FNDC3B: variants seen among roughly 807,000 people sequenced by gnomAD.
FNDC3B encodes the protein fibronectin type III domain containing 3B.
Under a neutral mutation model 151.5 loss-of-function variants are expected in FNDC3B, and 12 were observed. The ratio of observed to expected loss-of-function variants is 0.08; its 90% CI spans 0.05 to 0.13. The LOEUF (loss-of-function observed/expected upper bound fraction) is 0.13, where lower values mean the gene tolerates loss of function less well. Among genes scored for constraint, FNDC3B ranks in the 10% least tolerant of loss-of-function variants. The pLI is 1.00. For synonymous variants in FNDC3B, 528 were observed against 549.0 expected (o/e 0.96, Z 0.54); for missense variants, 1,214 against 1,505.3 (o/e 0.81, Z 3.20).
intron 1 of FNDC3B, among the ~76,000 whole-genome samples, chr3:172,043,284 G>C (rs1716185144): frequency 6.6e-6 from 1 of 152,156 alleles, no homozygotes; most frequent in East Asian, 1.9e-4. Flanking sequence ...TACCATATTG[G>C]AGAGCAAAGT....
chr3:172,103,027 A>C (rs1331585887), intron 1 of FNDC3B, among the ~76,000 whole-genome samples: 12 of 152,090 alleles, frequency 7.9e-5, no homozygotes, highest in Non-Finnish European at 1.6e-4. Flanking sequence ...CATCCTTGGG[A>C]TGTCAGGGTG....
At chr3:172,176,446 A>G (rs923034038) in intron 3 of FNDC3B, among the ~76,000 whole-genome samples, 1 of 152,226 alleles carries the variant, frequency 6.6e-6, no homozygotes, top group Non-Finnish European at 1.5e-5. Flanking sequence ...TTGGATTCAT[A>G]AAGTATTTTT....
chr3:172,130,603 C>T (rs1356627046), intron 2 of FNDC3B, among the ~76,000 whole-genome samples: 1 of 152,134 alleles, frequency 6.6e-6, no homozygotes, highest in Non-Finnish European at 1.5e-5. Context: ...GTGTCAGTGA[C>T]CACTGAGGAA....
chr3:172,371,445 C>T (rs595370), intron 23 of FNDC3B, among the ~76,000 whole-genome samples: 64,090 of 152,016 alleles, frequency 0.42, 15,889 homozygotes, highest in Non-Finnish European at 0.57. Flanking sequence ...TGGTAAATCA[C>T]CAACATTAAA....
intron 3 of FNDC3B, among the ~76,000 whole-genome samples, chr3:172,147,773 G>A (rs1310169765): frequency 1.3e-5 from 2 of 152,090 alleles, no homozygotes; most frequent in Admixed American, 6.5e-5. Flanking sequence ...TGGAGGTGGA[G>A]ATCGTCGGGG....
intron 1 of FNDC3B, among the ~76,000 whole-genome samples, chr3:172,101,811 C>G (rs1719392103): frequency 1.3e-5 from 2 of 152,148 alleles, no homozygotes; most frequent in African/African-American, 4.8e-5. Context: ...TTTTTCCCCC[C>G]TCTAATTTTA....
At chr3:172,339,881 G>T (rs1576926980) in intron 16 of FNDC3B, among the ~76,000 whole-genome samples, 1 of 152,154 alleles carries the variant, frequency 6.6e-6, no homozygotes, top group African/African-American at 2.4e-5. Flanking sequence ...CTTTGCTATT[G>T]CCTTTCTTCA....
intron 6 of FNDC3B, among the ~76,000 whole-genome samples, chr3:172,283,546 A>G (rs1013447925): frequency 6.6e-6 from 1 of 152,188 alleles, no homozygotes; most frequent in African/African-American, 2.4e-5. Context: ...CCTTTCTAAG[A>G]TAATCTAAAT....
At chr3:172,379,712 T>C (rs1041618051) in intron 24 of FNDC3B, among the ~76,000 whole-genome samples, 2 of 152,220 alleles carry the variant, frequency 1.3e-5, no homozygotes, top group Non-Finnish European at 2.9e-5. Context: ...CTGTGGCTGC[T>C]TTGGTTTATT....
At chr3:172,211,240 A>G (rs530556102) in intron 3 of FNDC3B, among the ~76,000 whole-genome samples, 3 of 152,264 alleles carry the variant, frequency 2.0e-5, no homozygotes, top group Non-Finnish European at 4.4e-5. Context: ...TCAATAACCT[A>G]GTGTAATTCA....
intron 1 of FNDC3B, among the ~76,000 whole-genome samples, chr3:172,062,251 T>G (rs534482192): frequency 1.3e-5 from 2 of 152,162 alleles, no homozygotes; most frequent in East Asian, 3.9e-4. Flanking sequence ...TTTGCCTCCT[T>G]TCTTCCTGCC....
chr3:172,313,779 T>C (rs150198708), intron 11 of FNDC3B, among the ~76,000 whole-genome samples: 41 of 152,358 alleles, frequency 2.7e-4, no homozygotes, highest in African/African-American at 9.9e-4. Context: ...AAAATGGTGC[T>C]ATCGGGTTTC....
chr3:172,235,678 G>A (rs1727119759), intron 4 of FNDC3B, among the ~76,000 whole-genome samples: 1 of 152,228 alleles, frequency 6.6e-6, no homozygotes, highest in African/African-American at 2.4e-5. Flanking sequence ...TTCAGACTTT[G>A]CCTTCATTTC....
intron 11 of FNDC3B, among the ~76,000 whole-genome samples, chr3:172,312,687 T>G (rs1269353450): frequency 1.3e-5 from 2 of 152,164 alleles, no homozygotes; most frequent in African/African-American, 4.8e-5. Flanking sequence ...AATCCTGTGT[T>G]TTTTTACTGC....
chr3:172,304,648 GC>G (rs1205184813), intron 9 of FNDC3B, among the ~76,000 whole-genome samples: 2 of 152,200 alleles, frequency 1.3e-5, no homozygotes, highest in Non-Finnish European at 2.9e-5. Context: ...TGTAATCCCA[GC>G]ACTTTGGGAG....
chr3:172,114,398 C>T (rs770583400), intron 2 of FNDC3B, among the ~76,000 whole-genome samples: 12 of 152,198 alleles, frequency 7.9e-5, no homozygotes, highest in African/African-American at 2.7e-4. Context: ...GTGGTCACCT[C>T]ATTCCCATTT....
intron 15 of FNDC3B, among the ~76,000 whole-genome samples, chr3:172,335,969 T>C (rs1391381310): frequency 6.6e-6 from 1 of 152,134 alleles, no homozygotes; most frequent in Non-Finnish European, 1.5e-5. Context: ...AAGAGATGGA[T>C]ATAATTCAGA....
intron 6 of FNDC3B, among the ~76,000 whole-genome samples, chr3:172,271,350 T>C (rs1302981574): frequency 6.6e-6 from 1 of 152,240 alleles, no homozygotes; most frequent in Admixed American, 6.5e-5. Context: ...CCTTTTGTTT[T>C]AAACTATTGA....
At chr3:172,303,287 G>A (rs1039703482) in intron 9 of FNDC3B, among the ~76,000 whole-genome samples, 1 of 152,126 alleles carries the variant, frequency 6.6e-6, no homozygotes, top group Non-Finnish European at 1.5e-5. Flanking sequence ...AAATTTTGAA[G>A]CAGTTTTCTA....
Sources: allele counts gnomAD v4.1 joint callset (sites outside exome capture counted in the v4.1 genomes callset), GRCh38; gene constraint gnomAD v4.1.1; transcripts MANE v1.5; gene names NCBI Gene and HGNC (gene_info 2026-07-23, HGNC 2026-07-21).